BICC1: variants seen among roughly 807,000 people sequenced by gnomAD.
The protein encoded by BICC1 is protein bicaudal C homolog 1.
In BICC1, 43 loss-of-function variants were observed where a neutral mutation model predicts 111.0. That is an observed-to-expected ratio of 0.39 (90% CI 0.30 to 0.50). The LOEUF is 0.50. Among genes scored for constraint, BICC1 ranks in the 20% least tolerant of loss-of-function variants. The pLI is 0.88. For synonymous variants in BICC1, 467 were observed against 434.4 expected (o/e 1.07, Z -0.93); for missense variants, 1,091 against 1,203.2 (o/e 0.91, Z 1.38).
chr10:58,764,570 A>G (rs1332081827), intron 3 of BICC1, among the ~76,000 whole-genome samples: 1 of 151,972 alleles, frequency 6.6e-6, no homozygotes, highest in Non-Finnish European at 1.5e-5. Context: ...TAAGCATAAA[A>G]CTGATGCCAG....
intron 1 of BICC1, among the ~76,000 whole-genome samples, chr10:58,514,926 C>G (rs1842201522): frequency 6.6e-6 from 1 of 152,198 alleles, no homozygotes; most frequent in South Asian, 2.1e-4. Flanking sequence ...ACATACTCAT[C>G]CTTTTCAACC....
intron 2 of BICC1, among the ~76,000 whole-genome samples, chr10:58,668,216 G>T (rs1215072502): frequency 6.6e-6 from 1 of 152,048 alleles, no homozygotes; most frequent in East Asian, 1.9e-4. Context: ...ATTTCAGTTG[G>T]TGCATTATTG....
chr10:58,548,612 C>T (rs975381828), intron 1 of BICC1, among the ~76,000 whole-genome samples: 5 of 152,144 alleles, frequency 3.3e-5, no homozygotes, highest in East Asian at 1.9e-4. Context: ...TCCTAAAAAT[C>T]CAATGTGCTA....
chr10:58,715,862 G>T, intron 3 of BICC1: 1 of 1,203,592 alleles, frequency 8.3e-7, no homozygotes. Flanking sequence ...AAATCTGATA[G>T]GTATTCATCT....
intron 3 of BICC1, among the ~76,000 whole-genome samples, chr10:58,710,607 G>A (rs568970245): frequency 1.3e-5 from 2 of 152,282 alleles, no homozygotes; most frequent in South Asian, 2.1e-4. Context: ...TTCATGCCAT[G>A]TGTTATTTCC....
chr10:58,564,095 A>C (rs1843686695), intron 1 of BICC1, among the ~76,000 whole-genome samples: 1 of 152,186 alleles, frequency 6.6e-6, no homozygotes, highest in African/African-American at 2.4e-5. Context: ...TTTTTGTTTT[A>C]ACTTTATATT....
chr10:58,748,769 A>T (rs1841906217), intron 3 of BICC1, among the ~76,000 whole-genome samples: 1 of 152,006 alleles, frequency 6.6e-6, no homozygotes, highest in South Asian at 2.1e-4. Flanking sequence ...CACATTTTTG[A>T]GCCCTACCCC....
chr10:58,724,358 T>A (rs754333505), intron 3 of BICC1, among the ~76,000 whole-genome samples: 1 of 152,100 alleles, frequency 6.6e-6, no homozygotes, highest in Non-Finnish European at 1.5e-5. Flanking sequence ...AATTGGATGA[T>A]TGGATGAAAG....
rs1279579490 is a variant in BICC1, at chr10:58,535,649, G to A, written c.190+22316G>A. On this transcript the variant is annotated intron_variant, in intron 1 of 20. Transcript: ENST00000373886. ...ACCTCTGAAAACATAAAATTCACACGGCTTATAAAACAATAACACAGTGAA... is the reference window on the plus strand; with the variant it reads ...ACCTCTGAAAACATAAAATTCACACAGCTTATAAAACAATAACACAGTGAA... 2.0e-5 allele frequency among the ~76,000 whole-genome samples: 3 copies of A among 151,510 alleles called. No homozygotes were observed. The East Asian group carries it at 5.8e-4, about 29-fold the overall frequency.
chr10:58,602,562 A>G (rs1366549153), intron 1 of BICC1, among the ~76,000 whole-genome samples: 1 of 152,208 alleles, frequency 6.6e-6, no homozygotes, highest in African/African-American at 2.4e-5. Context: ...AAAACAAATG[A>G]TTCTTTTCAG....
chr10:58,570,653 A>G (rs1472874817), intron 1 of BICC1, among the ~76,000 whole-genome samples: 2 of 152,170 alleles, frequency 1.3e-5, no homozygotes, highest in Non-Finnish European at 2.9e-5. Context: ...CTTTCTAGTC[A>G]TAATATATTT....
At chr10:58,618,427 G>A (rs1845689970) in intron 1 of BICC1, among the ~76,000 whole-genome samples, 1 of 152,252 alleles carries the variant, frequency 6.6e-6, no homozygotes, top group South Asian at 2.1e-4. Flanking sequence ...ACTATTGTCT[G>A]TAAAAGGTAT....
chr10:58,790,751 G>A (rs1345027473), intron 8 of BICC1, among the ~76,000 whole-genome samples: 1 of 152,166 alleles, frequency 6.6e-6, no homozygotes, highest in African/African-American at 2.4e-5. Context: ...CTTGAACCCA[G>A]AAAGCAGAGG....
intron 1 of BICC1, among the ~76,000 whole-genome samples, chr10:58,539,254 G>A (rs1277507139): frequency 6.6e-6 from 1 of 151,754 alleles, no homozygotes; most frequent in African/African-American, 2.4e-5. Flanking sequence ...GATGGAACTG[G>A]AGGCTATTAT....
intron 2 of BICC1, among the ~76,000 whole-genome samples, chr10:58,670,432 A>G (rs997590501): frequency 6.6e-6 from 1 of 152,152 alleles, no homozygotes; most frequent in Non-Finnish European, 1.5e-5. Context: ...CGCCTTCCAA[A>G]AAACTCCACT....
chr10:58,564,098 T>C (rs1843686906), intron 1 of BICC1, among the ~76,000 whole-genome samples: 1 of 152,256 alleles, frequency 6.6e-6, no homozygotes, highest in Non-Finnish European at 1.5e-5. Context: ...TTGTTTTAAC[T>C]TTATATTTTT....
At chr10:58,603,781 A>T (rs548654748) in intron 1 of BICC1, among the ~76,000 whole-genome samples, 1 of 152,302 alleles carries the variant, frequency 6.6e-6, no homozygotes, top group South Asian at 2.1e-4. Flanking sequence ...AATAGTTATT[A>T]TCAGGAGTGG....
chr10:58,748,798 G>A (rs1378900388), intron 3 of BICC1, among the ~76,000 whole-genome samples: 1 of 152,132 alleles, frequency 6.6e-6, no homozygotes, highest in African/African-American at 2.4e-5. Context: ...CTAACTAAGT[G>A]GGGCCTGAGA....
At chr10:58,630,626 C>CT (rs2132171391) in intron 2 of BICC1, among the ~76,000 whole-genome samples, 1 of 152,230 alleles carries the variant, frequency 6.6e-6, no homozygotes, top group South Asian at 2.1e-4. Context: ...TCCCTAGAGT[C>CT]TTCCCCTTCT....
Sources: gnomAD v4.1 joint callset for allele counts (sites outside exome capture counted in the v4.1 genomes callset) on GRCh38, gnomAD v4.1.1 for gene constraint, MANE v1.5 for transcripts, NCBI Gene and HGNC (gene_info 2026-07-23, HGNC 2026-07-21) for gene names.